The following PEPD variants were observed in gnomAD, a reference collection of about 807,000 sequenced individuals.
The protein encoded by PEPD is peptidase D, also known as xaa-Pro dipeptidase.
A neutral mutation model predicts 60.7 loss-of-function variants in PEPD; 53 were observed. The ratio of observed to expected loss-of-function variants is 0.87; its 90% CI spans 0.70 to 1.10. PEPD has a LOEUF of 1.10. PEPD is among the 50% of genes least tolerant of loss of function. The pLI is 0.00. For missense variants in PEPD, 711 were observed against 711.9 expected (o/e 1.00, Z 0.01); for synonymous variants, 267 against 284.1 (o/e 0.94, Z 0.60).
intron 4 of PEPD, among the ~76,000 whole-genome samples, chr19:33,498,927 G>A (rs1408889477): frequency 6.6e-6 from 1 of 152,190 alleles, no homozygotes; most frequent in Non-Finnish European, 1.5e-5. Context: ...ACCCCAGGCT[G>A]CCCCTCCAGG....
intron 9 of PEPD, among the ~76,000 whole-genome samples, chr19:33,440,692 C>T (rs1007787734): frequency 2.0e-5 from 3 of 152,188 alleles, no homozygotes; most frequent in Non-Finnish European, 2.9e-5. Flanking sequence ...CCTCTACTGC[C>T]GTCCCCGCTT....
chr19:33,463,257 T>A (rs1969962685), intron 8 of PEPD, among the ~76,000 whole-genome samples: 1 of 152,190 alleles, frequency 6.6e-6, no homozygotes, highest in Non-Finnish European at 1.5e-5. Context: ...AGCACTTCCA[T>A]TTGGAAGCCG....
chr19:33,458,227 G>A (rs1969847636), intron 9 of PEPD, among the ~76,000 whole-genome samples: 1 of 151,754 alleles, frequency 6.6e-6, no homozygotes, highest in African/African-American at 2.4e-5. Flanking sequence ...TGTATGTGGT[G>A]TGTGGCTGTA....
intron 3 of PEPD, among the ~76,000 whole-genome samples, chr19:33,507,073 G>C (rs1970828313): frequency 6.6e-6 from 1 of 151,950 alleles, no homozygotes; most frequent in Non-Finnish European, 1.5e-5. Context: ...CATACACCAT[G>C]CATGTGCAAA....
intron 6 of PEPD, among the ~76,000 whole-genome samples, chr19:33,482,921 T>C (rs4805893): frequency 0.081 from 12,303 of 152,232 alleles, 702 homozygotes; most frequent in Admixed American, 0.17. Context: ...CTTGACGTAA[T>C]TGACATATAC....
At chr19:33,491,192 C>G (rs187283511) in intron 5 of PEPD, among the ~76,000 whole-genome samples, 1 of 152,018 alleles carries the variant, frequency 6.6e-6, no homozygotes, top group African/African-American at 2.4e-5. Flanking sequence ...CGGTGGCTCA[C>G]GCCTGTAATC....
At chr19:33,463,146 G>A in intron 8 of PEPD, 105 bp from the exon 9 acceptor site, 2 of 800,178 alleles carry the variant, frequency 2.5e-6, no homozygotes, top group South Asian at 1.4e-5. Context: ...TCTTTAAAAA[G>A]GAAAAAAAGA....
chr19:33,407,067 A>ACTGGGACAACCAAGGC (rs1968645193), intron 11 of PEPD, among the ~76,000 whole-genome samples: 1 of 152,156 alleles, frequency 6.6e-6, no homozygotes, highest in African/African-American at 2.4e-5. Flanking sequence ...CTGCATCCCG[A>ACTGGGACAACCAAGGC]CTGGGACAAC....
intron 6 of PEPD, among the ~76,000 whole-genome samples, chr19:33,481,724 T>C (rs1970316533): frequency 6.6e-6 from 1 of 152,012 alleles, no homozygotes; most frequent in African/African-American, 2.4e-5. Flanking sequence ...AACACCAATC[T>C]TCATAAACTC....
intron 9 of PEPD, among the ~76,000 whole-genome samples, chr19:33,427,879 G>A (rs982427960): frequency 6.6e-6 from 1 of 152,168 alleles, no homozygotes; most frequent in African/African-American, 2.4e-5. Context: ...AAAGCCAGTA[G>A]ATTGCTAGCA....
chr19:33,447,894 C>T (rs7258937), intron 9 of PEPD, among the ~76,000 whole-genome samples: 79,610 of 152,044 alleles, frequency 0.52, 21,259 homozygotes, highest in African/African-American at 0.61. Context: ...TGGCCTTGTG[C>T]GGGAGGTTCC....
intron 6 of PEPD, among the ~76,000 whole-genome samples, chr19:33,481,709 G>T (rs1283035337): frequency 6.6e-6 from 1 of 151,950 alleles, no homozygotes; most frequent in Non-Finnish European, 1.5e-5. Context: ...AATGTTTAAA[G>T]AATTAACACC....
In PEPD at chr19:33,512,739, G is replaced by A. The variant is rs752700328; in HGVS notation, c.55C>T (p.Pro19Ser). The change falls in exon 2 of 15, where the codon CCG becomes TCG. Residue 19 changes from proline to serine, a missense_variant. Physicochemically the swap from Pro to Ser is moderately conservative, Grantham distance 74. Coordinates refer to ENST00000244137, the MANE Select transcript of PEPD (RefSeq NM_000285.4). ...FWLGNETLKV[P>S]LALFALNRQR... ...CGGTTCAAGGCAAAGAGCGCCAGCG[G>A]CACCTTCAGGGTTTCATTCCCCAGC... The A allele has an allele frequency of 1.2e-6, 2 of 1,614,118 alleles. No individual in the cohort carries two copies. Among genetic ancestry groups the A allele is most frequent in the African/African-American group, 1.3e-5 (1 of 75,064 alleles).
At chr19:33,388,163 G>T in intron 13 of PEPD, 82 bp from the exon 14 acceptor site, 2 of 1,168,744 alleles carry the variant, frequency 1.7e-6, no homozygotes, top group South Asian at 1.3e-5. Context: ...GCATGTGAGG[G>T]CCGGTGCCAG....
chr19:33,519,040 A>G (rs936000135), intron 1 of PEPD, among the ~76,000 whole-genome samples: 1 of 152,186 alleles, frequency 6.6e-6, no homozygotes, highest in Admixed American at 6.5e-5. Context: ...GCAGATGCAG[A>G]CAGGTCTGGC....
At chr19:33,434,903 T>G (rs1969345198) in intron 9 of PEPD, among the ~76,000 whole-genome samples, 1 of 151,024 alleles carries the variant, frequency 6.6e-6, no homozygotes. Flanking sequence ...CACTCAGGTG[T>G]TAAGGTTGGG....
intron 9 of PEPD, among the ~76,000 whole-genome samples, chr19:33,421,763 G>A (rs190339055): frequency 3.3e-5 from 5 of 152,180 alleles, no homozygotes; most frequent in African/African-American, 7.2e-5. Flanking sequence ...CCAAAGGTCC[G>A]GTATTACAGG....
At chr19:33,498,569 G>A (rs1384253793) in intron 4 of PEPD, among the ~76,000 whole-genome samples, 4 of 152,232 alleles carry the variant, frequency 2.6e-5, no homozygotes, top group Non-Finnish European at 5.9e-5. Flanking sequence ...CCAGGGCAGA[G>A]GCAGGTGCCG....
chr19:33,468,485 AG>A (rs1215457772), intron 7 of PEPD, among the ~76,000 whole-genome samples: 1 of 152,202 alleles, frequency 6.6e-6, no homozygotes, highest in East Asian at 1.9e-4. Flanking sequence ...GCCTCCATCG[AG>A]GCAGCCCAGA....
Sources: allele counts gnomAD v4.1 joint callset (sites outside exome capture counted in the v4.1 genomes callset), GRCh38; gene constraint gnomAD v4.1.1; transcripts MANE v1.5; gene names NCBI Gene and HGNC (gene_info 2026-07-23, HGNC 2026-07-21).